HERC2: variants seen among roughly 807,000 people sequenced by gnomAD.
HERC2 encodes the protein E3 ubiquitin-protein ligase HERC2.
Under a neutral mutation model 537.7 loss-of-function variants are expected in HERC2, and 102 were observed. That is an observed-to-expected ratio of 0.19 (90% CI 0.16 to 0.22). The LOEUF (loss-of-function observed/expected upper bound fraction) is 0.22. HERC2 is among the 10% of genes least tolerant of loss of function. HERC2 has a pLI of 1.00. For synonymous variants in HERC2, 2,224 were observed against 2,466.2 expected (o/e 0.90, Z 2.91); for missense variants, 4,236 against 6,198.2 (o/e 0.68, Z 10.63).
At chr15:28,117,209 A>G in intron 86 of HERC2, 55 bp from the exon 87 acceptor site, 1 of 1,568,498 alleles carries the variant, frequency 6.4e-7, no homozygotes, top group Non-Finnish European at 8.8e-7. Context: ...GGAAGCACAC[A>G]GTCGGGGATA....
chr15:28,170,635 A>C (rs1894601294), intron 65 of HERC2, among the ~76,000 whole-genome samples: 1 of 152,234 alleles, frequency 6.6e-6, no homozygotes, highest in South Asian at 2.1e-4. Flanking sequence ...CAAAAGTATG[A>C]TCTATAAAAG....
At chr15:28,187,932 G>A (rs972883276) in intron 55 of HERC2, among the ~76,000 whole-genome samples, 9 of 152,138 alleles carry the variant, frequency 5.9e-5, no homozygotes, top group Non-Finnish European at 1.0e-4. Flanking sequence ...TCATGTGAAC[G>A]AAGAGAGATG....
chr15:28,311,073 T>G (rs2076929875), intron 2 of HERC2, among the ~76,000 whole-genome samples: 1 of 25,646 alleles, frequency 3.9e-5, no homozygotes. Context: ...TGGGACTGCA[T>G]CTCAAAAAAA....
chr15:28,319,534 A>C (rs1325288108), intron 2 of HERC2, among the ~76,000 whole-genome samples: 1 of 150,288 alleles, frequency 6.7e-6, no homozygotes, highest in African/African-American at 2.5e-5. Flanking sequence ...GCAGTGAGCC[A>C]AGATTGCGCC....
At chr15:28,142,171 T>A (rs1891291761) in intron 76 of HERC2, 67 bp downstream of exon 76, 1 of 1,532,688 alleles carries the variant, frequency 6.5e-7, no homozygotes, top group African/African-American at 1.4e-5. Flanking sequence ...AATATTGGCA[T>A]CTTGTTACAC....
In HERC2 at chr15:28,214,725, G is replaced by T. The variant is rs1015554619; in HGVS notation, c.6288C>A (p.Leu2096=). 1 of 1,611,716 alleles carries T rather than the reference G, an allele frequency of 6.2e-7. No individual in the cohort carries two copies. The highest frequency in any genetic ancestry group is 8.5e-7 in the Non-Finnish European group (1 of 1,179,670). The change falls in exon 40 of 93, where the codon CTC becomes CTA. Residue 2096 remains leucine, a synonymous_variant. Transcript: ENST00000261609. ...CCAAGAAGTCAAACAGCTTCTCCAC[G>T]AGGCATTTCATGTCCCTCGCCCTTT... ...KTERARDMKC[L]VEKLFDFLGS...
chr15:28,223,547 G>A (rs1317546376), intron 35 of HERC2, among the ~76,000 whole-genome samples: 1 of 152,198 alleles, frequency 6.6e-6, no homozygotes, highest in East Asian at 1.9e-4. Context: ...GGAAGGGACA[G>A]GAGTTGCATT....
chr15:28,237,267 C>T (rs1902563558), intron 25 of HERC2, among the ~76,000 whole-genome samples, 154 bp from the exon 26 acceptor site: 1 of 152,258 alleles, frequency 6.6e-6, no homozygotes, highest in Non-Finnish European at 1.5e-5. Flanking sequence ...GTTGATGCTG[C>T]TGTGCCCAAG....
At chr15:28,144,840 C>T in intron 71 of HERC2, 36 bp from the exon 72 acceptor site, 1 of 1,613,238 alleles carries the variant, frequency 6.2e-7, no homozygotes, top group Non-Finnish European at 8.5e-7. Context: ...GTTAGCTTCA[C>T]TCCATCATCC....
At chr15:28,236,883 T>C in intron 26 of HERC2, 80 bp downstream of exon 26, 1 of 1,214,464 alleles carries the variant, frequency 8.2e-7, no homozygotes. Context: ...CCACTGTGCC[T>C]GGCCCTCTCC....
chr15:28,269,299 A>T lies in HERC2; in HGVS notation c.1395T>A (p.Ile465=). 1 of 1,614,184 alleles carries T rather than the reference A, an allele frequency of 6.2e-7. No individual in the cohort carries two copies. Among genetic ancestry groups the T allele is most frequent in the Non-Finnish European group, 8.5e-7 (1 of 1,180,020 alleles). The change falls in exon 11 of 93, where the codon ATT becomes ATA. Residue 465 remains isoleucine, a synonymous_variant. Coordinates refer to ENST00000261609, the MANE Select transcript of HERC2 (RefSeq NM_004667.6). ...TGTACACGCGGCCATTGCGTGACAGAATCAGGAAACGCTTCTCTGCACAGG... is the reference window on the plus strand; with the variant it reads ...TGTACACGCGGCCATTGCGTGACAGTATCAGGAAACGCTTCTCTGCACAGG... ...QIACAEKRFL[I]LSRNGRVYTQ... is the part of the protein sequence containing the mutation.
At position 28,142,989 on chromosome 15, in the gene HERC2, C is replaced by T. The variant is rs753717862; in HGVS notation, c.11419-37G>A. The T allele has an allele frequency of 1.1e-5, 18 of 1,602,744 alleles. No individual in the cohort carries two copies. The East Asian group carries it at 1.6e-4, about 14-fold the overall frequency. ...CAGAACAGTATTCTATCGCAGGAAT[C>T]CAGGTGCCGGGGAGGCTGACCATTT... On this transcript the variant is annotated intron_variant, in intron 74 of 92. Coordinates refer to ENST00000261609, the MANE Select transcript of HERC2 (RefSeq NM_004667.6).
intron 2 of HERC2, among the ~76,000 whole-genome samples, chr15:28,310,970 G>A (rs1238752906): frequency 4.0e-5 from 6 of 151,240 alleles, no homozygotes; most frequent in Admixed American, 6.6e-5. Context: ...CCAGCTACTC[G>A]GGAGGCTGAG....
intron 5 of HERC2, among the ~76,000 whole-genome samples, chr15:28,278,097 TAA>T (rs149409263): frequency 7.3e-6 from 1 of 137,054 alleles, no homozygotes; most frequent in African/African-American, 2.7e-5. Context: ...CTATACAAAT[TAA>T]AAAAAAAAAA....
chr15:28,155,679 T>G (rs906631539), intron 69 of HERC2, among the ~76,000 whole-genome samples: 1 of 151,838 alleles, frequency 6.6e-6, no homozygotes, highest in East Asian at 1.9e-4. Flanking sequence ...GTCAGATGAG[T>G]AGATTGCAAA....
rs375257482 is a variant in HERC2, at chr15:28,261,055, A to G, written c.2123-85T>C. The G allele has an allele frequency of 1.5e-4, 135 of 898,456 alleles. No homozygotes were observed. The African/African-American group carries it at 2.1e-3, about 14-fold the overall frequency. The allele number at this position is 898,456 out of a possible 1,614,324, so 55.7% of individuals were successfully genotyped here. On this transcript the variant is annotated intron_variant, in intron 15 of 92. Transcript: ENST00000261609. ...ATATTTCCTAGGCCATTCAGGTCAG[A>G]CAGCTTTTAACATTAACTTCTTGAG...
At chr15:28,282,971 TGGGAC>T (rs1264513708) in intron 4 of HERC2, among the ~76,000 whole-genome samples, 2 of 121,920 alleles carry the variant, frequency 1.6e-5, no homozygotes, top group African/African-American at 6.9e-5. Flanking sequence ...CAGGAAGGGA[TGGGAC>T]GGGACGGGAC....
In HERC2 at chr15:28,132,187, T is replaced by C. The variant is rs758464646; in HGVS notation, c.12483A>G (p.Thr4161=). 6 of 1,613,952 alleles carry C rather than the reference T, an allele frequency of 3.7e-6. No homozygotes were observed. The African/African-American group carries it at 5.3e-5, about 14-fold the overall frequency. ...CCCAGGACCAGACAGTGTCGTCATC[T>C]GTGAGGCAGAGGGTCTGGGCATCTC... ...GSGDAQTLCL[T]DDDTVWSWGD... Residue 4161 remains threonine, a synonymous_variant, in exon 81 of 93, where the codon ACA becomes ACG. Coordinates refer to ENST00000261609, the MANE Select transcript of HERC2 (RefSeq NM_004667.6).
chr15:28,248,823 T>C (rs1207920483), intron 20 of HERC2, 87 bp from the exon 21 acceptor site: 2 of 1,028,616 alleles, frequency 1.9e-6, no homozygotes, highest in Non-Finnish European at 1.4e-6. Flanking sequence ...GACAAATTAA[T>C]ATCACAAACA....
Sources: allele counts gnomAD v4.1 joint callset (sites outside exome capture counted in the v4.1 genomes callset), GRCh38; gene constraint gnomAD v4.1.1; transcripts MANE v1.5; gene names NCBI Gene and HGNC (gene_info 2026-07-23, HGNC 2026-07-21).